The following MAP3K9 variants were observed in gnomAD, a reference collection of about 807,000 sequenced individuals.
MAP3K9 encodes mitogen-activated protein kinase kinase kinase 9, also known as mixed lineage kinase 1 (tyr and ser/thr specificity).
A neutral mutation model predicts 95.8 loss-of-function variants in MAP3K9; 46 were observed. That is an observed-to-expected ratio of 0.48 (90% confidence interval 0.38 to 0.61). The LOEUF is 0.61. Among genes scored for constraint, MAP3K9 ranks in the 20% least tolerant of loss-of-function variants. The pLI, the probability that MAP3K9 is intolerant of heterozygous loss-of-function variation, is 0.00. For missense variants in MAP3K9, 1,296 were observed against 1,474.3 expected (o/e 0.88, Z 1.98); for synonymous variants, 533 against 593.8 (o/e 0.90, Z 1.49).
Position 70,740,082 on chromosome 14 carries a change from A to G in MAP3K9, c.1650T>C (p.Pro550=), listed in dbSNP as rs1488726343. Residue 550 remains proline (P), a synonymous_variant, in exon 7 of 12, where the codon CCT becomes CCC. Transcript: ENST00000554752. ...KSLINSRSSP[P]ASPTIIPRLR... is the part of the protein sequence containing the mutation. ...GGCGAGGAATGATGGTGGGGCTTGC[A>G]GGAGGACTGGAGCGGCTGTTGATAA... The G allele has an allele frequency of 1.2e-6, 2 of 1,614,210 alleles. No homozygotes were observed. The highest frequency in any genetic ancestry group is 1.1e-5 in the South Asian group (1 of 91,074).
rs1053209237 is a variant in MAP3K9, at chr14:70,729,599, C to G, written c.*781G>C. The G allele has an allele frequency of 6.6e-6, 1 of 152,224 alleles. No individual in the cohort carries two copies. Among genetic ancestry groups the G allele is most frequent in the Non-Finnish European group, 1.5e-5 (1 of 68,054 alleles). The allele number at this position is 152,224 out of a possible 1,614,324, so 9.4% of individuals were successfully genotyped here. On this transcript the variant is annotated 3_prime_UTR_variant, in exon 12 of 12. Transcript: ENST00000554752. ...CCCCAAGTAGCTAGATGGGTACCCT[C>G]AATACTTGCTGGTTTGCCCTTTGCC... is the stretch of plus-strand genomic sequence containing the variant.
At chr14:70,737,902 G>C (rs1023221545) in intron 8 of MAP3K9, among the ~76,000 whole-genome samples, 8 of 152,140 alleles carry the variant, frequency 5.3e-5, no homozygotes, top group African/African-American at 1.9e-4. Flanking sequence ...GCTTTTATAA[G>C]GTTTTACTGG....
chr14:70,778,389 C>A (rs912459513), intron 2 of MAP3K9, among the ~76,000 whole-genome samples: 14 of 151,928 alleles, frequency 9.2e-5, no homozygotes, highest in African/African-American at 3.4e-4. Context: ...AATTCTCATG[C>A]CTCAGCCTCC....
intron 1 of MAP3K9, among the ~76,000 whole-genome samples, chr14:70,803,336 T>TCA (rs1566771064): frequency 5.3e-4 from 35 of 66,118 alleles, no homozygotes; most frequent in Admixed American, 8.8e-4. Context: ...AATTCAGATC[T>TCA]TAAAAAAAAA....
rs966437037 is a variant in MAP3K9, at chr14:70,730,257, T to A, written c.*123A>T. On this transcript the variant is annotated 3_prime_UTR_variant, in exon 12 of 12. Coordinates refer to ENST00000554752, the MANE Select transcript of MAP3K9 (RefSeq NM_001284230.2). Reference sequence around the variant, plus strand: ...GTTTCCATCCCTTCCATCTTCAAAGTGCATTATCAGTGCAAGAAGTAGGGC... The same window carrying A: ...GTTTCCATCCCTTCCATCTTCAAAGAGCATTATCAGTGCAAGAAGTAGGGC... 1 of 1,388,082 alleles carries A rather than the reference T, an allele frequency of 7.2e-7. No homozygotes were observed. Among genetic ancestry groups the A allele is most frequent in the Non-Finnish European group, 9.7e-7 (1 of 1,028,284 alleles). The allele number at this position is 1,388,082 out of a possible 1,614,324, so 86.0% of individuals were successfully genotyped here. A position where few individuals can be genotyped will look rare whatever the true frequency, so the allele number is the denominator to read the frequency against.
intron 3 of MAP3K9, 105 bp downstream of exon 3, chr14:70,760,897 T>G (rs1566746658): frequency 4.8e-6 from 6 of 1,255,810 alleles, no homozygotes; most frequent in Non-Finnish European, 6.7e-6. Flanking sequence ...TTAGACCTAC[T>G]TCAGGTGCCT....
At chr14:70,787,786 C>A (rs2054763289) in intron 2 of MAP3K9, among the ~76,000 whole-genome samples, 1 of 152,024 alleles carries the variant, frequency 6.6e-6, no homozygotes, top group African/African-American at 2.4e-5. Flanking sequence ...TGTTTTGAGT[C>A]CATCCAGAAA....
At chr14:70,776,412 G>T (rs1440455557) in intron 2 of MAP3K9, among the ~76,000 whole-genome samples, 1 of 152,126 alleles carries the variant, frequency 6.6e-6, no homozygotes, top group Non-Finnish European at 1.5e-5. Context: ...CCTACACTAG[G>T]TCTGAAACCA....
chr14:70,806,023 GCTTGA>G (rs1489457818), intron 1 of MAP3K9, among the ~76,000 whole-genome samples: 1 of 152,188 alleles, frequency 6.6e-6, no homozygotes, highest in African/African-American at 2.4e-5. Flanking sequence ...GAACAGTATT[GCTTGA>G]CTTAATGTCT....
rs2053800749 is a variant in MAP3K9, at chr14:70,724,967, CAGCCT to C, written c.*5408_*5412del. On this transcript the variant is annotated 3_prime_UTR_variant, in exon 12 of 12. Coordinates refer to ENST00000554752, the MANE Select transcript of MAP3K9 (RefSeq NM_001284230.2). ...ACCTGTCATGTCCACATCTGCCAAT[CAGCCT>C]AGTAAAACTAGGTGATGAGTGCTTT... 1.3e-5 allele frequency: 2 copies of C among 152,238 alleles called. No homozygotes were observed. Among genetic ancestry groups the C allele is most frequent in the African/African-American group, 4.8e-5 (2 of 41,452 alleles). The allele number at this position is 152,238 out of a possible 1,614,324, so 9.4% of individuals were successfully genotyped here.
At chr14:70,770,182 GTTTCT>G (rs1292946048) in intron 2 of MAP3K9, among the ~76,000 whole-genome samples, 1 of 151,976 alleles carries the variant, frequency 6.6e-6, no homozygotes, top group Non-Finnish European at 1.5e-5. Context: ...TGTATTTTCT[GTTTCT>G]TTTGTTTGTT....
In MAP3K9 at chr14:70,729,162, G is replaced by C. The variant is rs2053860107; in HGVS notation, c.*1218C>G. ...CAGTATGGGGGACCTCAAGGTTATT[G>C]TACATCAGCGGCTCCCTGGGCACCC... On this transcript the variant is annotated 3_prime_UTR_variant, in exon 12 of 12. Coordinates refer to ENST00000554752, the MANE Select transcript of MAP3K9 (RefSeq NM_001284230.2). The C allele has an allele frequency of 6.6e-6, 1 of 152,208 alleles. No individual in the cohort carries two copies. Among genetic ancestry groups the C allele is most frequent in the Non-Finnish European group, 1.5e-5 (1 of 68,070 alleles). The allele number at this position is 152,208 out of a possible 1,614,324, so 9.4% of individuals were successfully genotyped here.
At chr14:70,778,338 G>A (rs930453171) in intron 2 of MAP3K9, among the ~76,000 whole-genome samples, 1 of 148,872 alleles carries the variant, frequency 6.7e-6, no homozygotes, top group Non-Finnish European at 1.5e-5. Context: ...GTGTCACGAC[G>A]CGATCTCTGC....
chr14:70,741,947 CA>C (rs1326284614), intron 6 of MAP3K9, among the ~76,000 whole-genome samples: 1 of 151,816 alleles, frequency 6.6e-6, no homozygotes, highest in Non-Finnish European at 1.5e-5. Flanking sequence ...AACTCTGTCT[CA>C]AAAAAAAGAA....
In MAP3K9 at chr14:70,727,359, G is replaced by A. The variant is rs1022520090; in HGVS notation, c.*3021C>T. 1.8e-4 allele frequency: 28 copies of A among 152,198 alleles called. No homozygotes were observed. Among genetic ancestry groups the A allele is most frequent in the African/African-American group, 6.3e-4 (26 of 41,428 alleles). 9.4% of individuals were successfully genotyped at this position (152,198 alleles called of 1,614,324 possible). A position where few individuals can be genotyped will look rare whatever the true frequency, so the allele number is the denominator to read the frequency against. ...TCAAAAGGGGATAATCCGAATCAGCGGTAGGAGCTGAAGAATCCAAGAAGC... is the reference window on the plus strand; with the variant it reads ...TCAAAAGGGGATAATCCGAATCAGCAGTAGGAGCTGAAGAATCCAAGAAGC... On this transcript the variant is annotated 3_prime_UTR_variant, in exon 12 of 12. Coordinates refer to ENST00000554752, the MANE Select transcript of MAP3K9 (RefSeq NM_001284230.2).
chr14:70,768,497 G>T (rs2054488007), intron 2 of MAP3K9, among the ~76,000 whole-genome samples: 1 of 152,040 alleles, frequency 6.6e-6, no homozygotes, highest in Middle Eastern at 3.4e-3. Context: ...GATTTGAAGT[G>T]TTAGAGAGGA....
chr14:70,745,321 T>C (rs925773177), intron 5 of MAP3K9, among the ~76,000 whole-genome samples: 3 of 152,160 alleles, frequency 2.0e-5, no homozygotes, highest in Non-Finnish European at 2.9e-5. Flanking sequence ...TTGGGGAAGC[T>C]GAGCAGCAGG....
intron 5 of MAP3K9, among the ~76,000 whole-genome samples, chr14:70,746,932 T>C (rs972693321): frequency 2.0e-5 from 3 of 152,222 alleles, no homozygotes; most frequent in South Asian, 4.1e-4. Flanking sequence ...GCTGGAATAC[T>C]ATTTAGTGAG....
chr14:70,737,482 G>A (rs2054000938), intron 8 of MAP3K9, among the ~76,000 whole-genome samples: 1 of 152,184 alleles, frequency 6.6e-6, no homozygotes, highest in Non-Finnish European at 1.5e-5. Flanking sequence ...ACTCAGGGGA[G>A]AATTTGACCC....
Sources: gnomAD v4.1 joint callset for allele counts (sites outside exome capture counted in the v4.1 genomes callset) on GRCh38, gnomAD v4.1.1 for gene constraint, MANE v1.5 for transcripts, NCBI Gene and HGNC (gene_info 2026-07-23, HGNC 2026-07-21) for gene names.